Variants in CABLES1 observed in about 807,000 individuals in gnomAD.
CABLES1 encodes CDK5 and ABL1 enzyme substrate 1.
CABLES1 carries 36 observed loss-of-function variants against 57.8 expected under a neutral mutation model. The observed-to-expected ratio is 0.62, with a 90% CI of 0.48 to 0.82. The LOEUF (loss-of-function observed/expected upper bound fraction) is 0.82. Among genes scored for constraint, CABLES1 ranks in the 40% least tolerant of loss-of-function variants. The pLI, the probability that CABLES1 is intolerant of heterozygous loss-of-function variation, is 0.00. For missense variants in CABLES1, 767 were observed against 836.6 expected, an observed-to-expected ratio of 0.92 and a Z score of 1.03; for synonymous variants, 374 against 363.0, an observed-to-expected ratio of 1.03 and a Z score of -0.35.
intron 3 of CABLES1, among the ~76,000 whole-genome samples, chr18:23,203,267 C>T (rs1263955019): frequency 2.0e-5 from 3 of 152,050 alleles, no homozygotes; most frequent in Non-Finnish European, 2.9e-5. Context: ...CTGGAAGTGC[C>T]GCCTCCTGGG....
intron 4 of CABLES1, among the ~76,000 whole-genome samples, chr18:23,218,635 GCCTCCC>G (rs1353537111): frequency 1.6e-4 from 21 of 127,358 alleles, no homozygotes; most frequent in Admixed American, 2.4e-4. Context: ...CACTTGCCCT[GCCTCCC>G]GCATCCTCAC....
chr18:23,237,269 C>T (rs1245912945), intron 7 of CABLES1, 24 bp downstream of exon 7: 2 of 1,483,860 alleles, frequency 1.3e-6, no homozygotes, highest in East Asian at 2.3e-5. Context: ...AATGGAGGCT[C>T]CGTTTGCTGC....
chr18:23,241,819 T>TA (rs1491463239), intron 7 of CABLES1, among the ~76,000 whole-genome samples: 1 of 152,142 alleles, frequency 6.6e-6, no homozygotes, highest in African/African-American at 2.4e-5. Context: ...GGACATGTCT[T>TA]AGAGTGGGAA....
chr18:23,241,596 TGATA>T (rs1358797343), intron 7 of CABLES1, among the ~76,000 whole-genome samples: 2 of 152,200 alleles, frequency 1.3e-5, no homozygotes, highest in Non-Finnish European at 2.9e-5. Flanking sequence ...CTCCTCCTGT[TGATA>T]GATATTTGTT....
At chr18:23,200,036 C>CT (rs1188686476) in intron 3 of CABLES1, among the ~76,000 whole-genome samples, 1 of 152,146 alleles carries the variant, frequency 6.6e-6, no homozygotes, top group East Asian at 1.9e-4. Flanking sequence ...AGACTCTAAA[C>CT]AAAGCCACGT....
intron 1 of CABLES1, among the ~76,000 whole-genome samples, chr18:23,156,165 G>A (rs1388630058): frequency 6.6e-6 from 1 of 151,854 alleles, no homozygotes; most frequent in African/African-American, 2.4e-5. Flanking sequence ...GCTCCATGGA[G>A]GGTCCTCCAG....
At chr18:23,231,369 G>A (rs2047566116) in intron 4 of CABLES1, among the ~76,000 whole-genome samples, 6 of 152,152 alleles carry the variant, frequency 3.9e-5, no homozygotes, top group Admixed American at 3.3e-4. Context: ...CCATCGTATG[G>A]AACACGGTAG....
intron 3 of CABLES1, among the ~76,000 whole-genome samples, chr18:23,202,836 A>T (rs538883607): frequency 4.8e-4 from 73 of 152,146 alleles, no homozygotes; most frequent in African/African-American, 1.7e-3. Context: ...AATACAAAAA[A>T]ATTAGCCGGG....
chr18:23,145,618 C>G (rs967637854), intron 1 of CABLES1, among the ~76,000 whole-genome samples: 2 of 152,316 alleles, frequency 1.3e-5, no homozygotes, highest in African/African-American at 2.4e-5. Flanking sequence ...TTCACAGATT[C>G]TGGGGCTCAG....
chr18:23,158,756 C>T (rs1036881176), intron 1 of CABLES1, among the ~76,000 whole-genome samples: 2 of 152,108 alleles, frequency 1.3e-5, no homozygotes, highest in African/African-American at 2.4e-5. Flanking sequence ...CTGCCTCGAA[C>T]GTGTGAGGAT....
chr18:23,216,927 T>G (rs781427665), intron 4 of CABLES1, among the ~76,000 whole-genome samples: 62 of 152,168 alleles, frequency 4.1e-4, no homozygotes, highest in Admixed American at 3.3e-4. Context: ...TCAGCAGATT[T>G]GGCTGCTGTG....
At chr18:23,194,566 G>A (rs749632378) in intron 3 of CABLES1, 26 bp downstream of exon 3, 6 of 1,490,944 alleles carry the variant, frequency 4.0e-6, no homozygotes, top group Non-Finnish European at 5.6e-6. Context: ...AGAAGCGGCT[G>A]CCAGCACCAG....
At chr18:23,168,961 A>C (rs918317634) in intron 1 of CABLES1, among the ~76,000 whole-genome samples, 5 of 152,228 alleles carry the variant, frequency 3.3e-5, no homozygotes, top group African/African-American at 1.2e-4. Flanking sequence ...CAGATGGTTA[A>C]GGCATTCTAA....
chr18:23,182,696 G>C (rs149387290), intron 1 of CABLES1, among the ~76,000 whole-genome samples: 2 of 152,214 alleles, frequency 1.3e-5, no homozygotes, highest in Non-Finnish European at 1.5e-5. Flanking sequence ...CACCTTCCAC[G>C]AAGTGGGCTG....
At chr18:23,251,696 C>T (rs1037658295) in intron 7 of CABLES1, among the ~76,000 whole-genome samples, 4 of 152,084 alleles carry the variant, frequency 2.6e-5, no homozygotes, top group African/African-American at 9.7e-5. Context: ...CTCAAGTTTC[C>T]AAAGACTTAC....
chr18:23,162,435 G>A (rs776818892), intron 1 of CABLES1, among the ~76,000 whole-genome samples: 7 of 152,148 alleles, frequency 4.6e-5, no homozygotes, highest in Non-Finnish European at 7.4e-5. Flanking sequence ...GTACCTGACC[G>A]TGTTTTTCAT....
intron 1 of CABLES1, among the ~76,000 whole-genome samples, chr18:23,184,445 A>G (rs1043545793): frequency 6.6e-6 from 1 of 152,120 alleles, no homozygotes; most frequent in African/African-American, 2.4e-5. Context: ...GCTCATGGCT[A>G]TAATCCCAGC....
chr18:23,168,252 T>A (rs1158589595), intron 1 of CABLES1, among the ~76,000 whole-genome samples: 3 of 152,236 alleles, frequency 2.0e-5, no homozygotes, highest in African/African-American at 7.2e-5. Flanking sequence ...GAAAATGACG[T>A]ATACACCCTT....
At chr18:23,226,278 C>A (rs145725178) in intron 4 of CABLES1, among the ~76,000 whole-genome samples, 1 of 151,858 alleles carries the variant, frequency 6.6e-6, no homozygotes, top group Admixed American at 6.6e-5. Flanking sequence ...GGCATGTGCC[C>A]GTAGTCCCAG....
Sources: allele counts gnomAD v4.1 joint callset (sites outside exome capture counted in the v4.1 genomes callset), GRCh38; gene constraint gnomAD v4.1.1; transcripts MANE v1.5; gene names NCBI Gene and HGNC (gene_info 2026-07-23, HGNC 2026-07-21).